Variants in COL2A1 observed in about 807,000 individuals in gnomAD.
COL2A1 encodes collagen type II alpha 1 chain.
COL2A1 carries 28 observed loss-of-function variants against 204.5 expected under a neutral mutation model. The ratio of observed to expected loss-of-function variants is 0.14; its 90% CI spans 0.10 to 0.19. The LOEUF (loss-of-function observed/expected upper bound fraction) is 0.19. Among genes scored for constraint, COL2A1 ranks in the 10% least tolerant of loss-of-function variants. The pLI is 1.00. For synonymous variants in COL2A1, 708 were observed against 718.7 expected (o/e 0.99, Z 0.24); for missense variants, 1,388 against 2,027.5 (o/e 0.68, Z 6.06).
chr12:47,999,811 G>C, intron 2 of COL2A1, 108 bp downstream of exon 2: 1 of 966,802 alleles, frequency 1.0e-6, no homozygotes, highest in Non-Finnish European at 1.6e-6. Flanking sequence ...AGGTCCCATG[G>C]ATAACTAGCC....
At chr12:47,983,942 C>A (rs1939240861) in intron 29 of COL2A1, 145 bp downstream of exon 29, 2 of 955,696 alleles carry the variant, frequency 2.1e-6, no homozygotes, top group South Asian at 1.5e-5. Flanking sequence ...TCCTGGGACA[C>A]CCTGCCTCAG....
chr12:47,997,538 C>G (rs1940017998), intron 7 of COL2A1, 68 bp downstream of exon 7: 1 of 1,613,036 alleles, frequency 6.2e-7, no homozygotes, highest in Non-Finnish European at 8.5e-7. Flanking sequence ...CAGGTAAGTG[C>G]AAGCAGCAAT....
chr12:47,976,364 T>C lies in COL2A1; in HGVS notation c.3489+150A>G. 1.1e-6 allele frequency: 1 copy of C among 880,368 alleles called. No homozygotes were observed. The highest frequency in any genetic ancestry group is 1.9e-6 in the Non-Finnish European group (1 of 537,284). 54.5% of individuals were successfully genotyped at this position (880,368 alleles called of 1,614,324 possible). ...GTGGCCTCAGGCGCTTTTCTGGCCATAGGCACATGAGCCAGTCCTGCCCCC... is the reference window on the plus strand; with the variant it reads ...GTGGCCTCAGGCGCTTTTCTGGCCACAGGCACATGAGCCAGTCCTGCCCCC... On this transcript the variant is annotated intron_variant, in intron 49 of 53. Coordinates refer to ENST00000380518, the MANE Select transcript of COL2A1 (RefSeq NM_001844.5). This position sits in a 1 kb window ranked among gnomAD's most constrained non-coding sequence, Gnocchi z 4.3.
chr12:47,984,715 G>A (rs1939292450), intron 27 of COL2A1, 116 bp from the exon 28 acceptor site: 1 of 990,056 alleles, frequency 1.0e-6, no homozygotes, highest in Non-Finnish European at 1.6e-6. Flanking sequence ...CCAAGATAAA[G>A]CAAAGTATCA....
At position 47,987,337 on chromosome 12, in the gene COL2A1, T is replaced by C; in HGVS notation, c.1222-24A>G. 6 of 1,613,730 alleles carry C rather than the reference T, an allele frequency of 3.7e-6. No individual in the cohort carries two copies. The highest frequency in any genetic ancestry group is 5.1e-6 in the Non-Finnish European group (6 of 1,179,794). On this transcript the variant is annotated intron_variant, in intron 19 of 53. Transcript: ENST00000380518. The surrounding 1 kb of genome is among the most constrained non-coding windows in gnomAD (Gnocchi z 4.1). ...CCCTGAAAAGGGAGACATTGTCAAA[T>C]AAGCAGCAAAGAATGAACCCCAACC... is the stretch of plus-strand genomic sequence containing the variant.
intron 16 of COL2A1, among the ~76,000 whole-genome samples, chr12:47,990,641 T>C (rs1011372401): frequency 2.6e-5 from 4 of 152,122 alleles, no homozygotes; most frequent in Non-Finnish European, 5.9e-5. Context: ...GGCTCCCTGA[T>C]GGGGCAGGGC....
At chr12:47,984,967 G>A in intron 27 of COL2A1, 28 bp downstream of exon 27, 1 of 1,588,914 alleles carries the variant, frequency 6.3e-7, no homozygotes, top group South Asian at 1.1e-5. Context: ...CCACATGGAA[G>A]GAAATAGAAG....
chr12:47,996,673 TC>T, intron 7 of COL2A1, 48 bp from the exon 8 acceptor site: 5 of 1,508,722 alleles, frequency 3.3e-6, no homozygotes, highest in Non-Finnish European at 3.7e-6. Context: ...CACTAGGTCT[TC>T]CCTACTTGGC....
At chr12:47,990,130 A>G (rs1939637910) in intron 16 of COL2A1, among the ~76,000 whole-genome samples, 1 of 152,056 alleles carries the variant, frequency 6.6e-6, no homozygotes. Context: ...CAGCCTCCTG[A>G]GTAACTGGGA....
chr12:47,993,743 G>A, intron 14 of COL2A1, 66 bp downstream of exon 14: 1 of 1,545,120 alleles, frequency 6.5e-7, no homozygotes, highest in Non-Finnish European at 8.9e-7. Context: ...GTGTCTCCCT[G>A]GCTAGGAAGA....
intron 40 of COL2A1, 49 bp from the exon 41 acceptor site, chr12:47,979,613 T>TC: frequency 2.2e-6 from 2 of 908,040 alleles, no homozygotes; most frequent in Non-Finnish European, 3.3e-6. Flanking sequence ...CTCAGGAGGT[T>TC]TGAGATTAAA....
chr12:47,975,166 C>G, intron 51 of COL2A1, 151 bp downstream of exon 51: 1 of 1,089,660 alleles, frequency 9.2e-7, no homozygotes, highest in Non-Finnish European at 1.3e-6. Context: ...AGGGCTGCAG[C>G]TTCTCTGCTG....
At position 47,997,854 on chromosome 12, in the gene COL2A1, C is replaced by T. The variant is rs1471493805; in HGVS notation, c.429+17G>A. ...TGGGAAGTCCACCAGGGTCAAGCAG[C>T]ATTGCTTTTTACTCACTTTTTCACC... is the stretch of plus-strand genomic sequence containing the variant. On this transcript the variant is annotated intron_variant, in intron 6 of 53. Transcript: ENST00000380518. The T allele has an allele frequency of 6.2e-7, 1 of 1,614,106 alleles. No homozygotes were observed. The highest frequency in any genetic ancestry group is 2.2e-5 in the East Asian group (1 of 44,888).
In COL2A1 at chr12:47,982,778, T is replaced by C; in HGVS notation, c.2193+70A>G. The C allele has an allele frequency of 2.1e-6, 3 of 1,416,430 alleles. No individual in the cohort carries two copies. The South Asian group carries it at 3.4e-5, about 16-fold the overall frequency. The allele number at this position is 1,416,430 out of a possible 1,614,324, so 87.7% of individuals were successfully genotyped here. A position where few individuals can be genotyped will look rare whatever the true frequency, so the allele number is the denominator to read the frequency against. On this transcript the variant is annotated intron_variant, in intron 33 of 53. Transcript: ENST00000380518. ...TGTTCTTCATTCCTCCTGAGCCCGC[T>C]CCTCTTCTCCCTGCTCAGTGGGACT...
At chr12:47,979,005 C>T (rs767245118) in intron 41 of COL2A1, among the ~76,000 whole-genome samples, 2 of 151,958 alleles carry the variant, frequency 1.3e-5, no homozygotes, top group Non-Finnish European at 2.9e-5. Context: ...CTCCCATCTA[C>T]CTGGAATCTC....
At chr12:47,999,354 C>T (rs1635533) in intron 2 of COL2A1, among the ~76,000 whole-genome samples, 82,384 of 152,106 alleles carry the variant, frequency 0.54, 23,744 homozygotes, top group Non-Finnish European at 0.66. Flanking sequence ...CTTCCCTCTC[C>T]TATTATTTTG....
chr12:47,978,838 G>A lies in COL2A1; in HGVS notation c.2734-80C>T. ...CTGCCAAAGTCACTGTGGCCTCAGTGACAGCAGTTTCCTCTCTGGGGGCTT... is the reference window on the plus strand; with the variant it reads ...CTGCCAAAGTCACTGTGGCCTCAGTAACAGCAGTTTCCTCTCTGGGGGCTT... On this transcript the variant is annotated intron_variant, in intron 41 of 53. Coordinates refer to ENST00000380518, the MANE Select transcript of COL2A1 (RefSeq NM_001844.5). The surrounding 1 kb of genome is among the most constrained non-coding windows in gnomAD (Gnocchi z 5.5). 3 of 1,496,818 alleles carry A rather than the reference G, an allele frequency of 2.0e-6. No individual in the cohort carries two copies. The highest frequency in any genetic ancestry group is 2.3e-5 in the South Asian group (2 of 86,606). The allele number at this position is 1,496,818 out of a possible 1,614,324, so 92.7% of individuals were successfully genotyped here.
Position 47,975,537 on chromosome 12 carries a change from G to A in COL2A1, c.3666C>T (p.Ala1222=). 1 of 1,607,488 alleles carries A rather than the reference G, an allele frequency of 6.2e-7. No homozygotes were observed. Among genetic ancestry groups the A allele is most frequent in the Non-Finnish European group, 8.5e-7 (1 of 1,179,994 alleles). The part of the protein sequence containing the change: ...GPPGPGIDMS[A]FAGLGPREKG... Reference sequence around the variant, plus strand: ...TCTCTCTCGGGCCTAAGCCAGCAAAGGCGGACATGTCGATGCCAGGGCCAG... The same window carrying A: ...TCTCTCTCGGGCCTAAGCCAGCAAAAGCGGACATGTCGATGCCAGGGCCAG... The change falls in exon 51 of 54, where the codon GCC becomes GCT. Residue 1222 remains alanine (A), a synonymous_variant. Transcript: ENST00000380518.
rs911101569 is a variant in COL2A1 at position 47,976,976 on chromosome 12, C to T, written c.3328-57G>A. ...GTCAGGGCCAGGACAGGAGCCCCCT[C>T]CTGTCCCACCCAAGCTGAGGAATCC... On this transcript the variant is annotated intron_variant, in intron 47 of 53. Coordinates refer to ENST00000380518, the MANE Select transcript of COL2A1 (RefSeq NM_001844.5). The surrounding 1 kb of genome is among the most constrained non-coding windows in gnomAD (Gnocchi z 4.3). The T allele has an allele frequency of 6.5e-7, 1 of 1,538,408 alleles. No individual in the cohort carries two copies. The highest frequency in any genetic ancestry group is 8.9e-7 in the Non-Finnish European group (1 of 1,128,564).
Sources: allele counts gnomAD v4.1 joint callset (sites outside exome capture counted in the v4.1 genomes callset), GRCh38; gene constraint gnomAD v4.1.1; non-coding constraint Gnocchi (gnomAD v3.1); transcripts MANE v1.5; gene names NCBI Gene and HGNC (gene_info 2026-07-23, HGNC 2026-07-21).